MIPOL1: variants seen among roughly 807,000 people sequenced by gnomAD.
MIPOL1 encodes mirror-image polydactyly 1, also known as mirror-image polydactyly gene 1 protein.
Under a neutral mutation model 60.9 loss-of-function variants are expected in MIPOL1, and 57 were observed. The ratio of observed to expected loss-of-function variants is 0.94; its 90% confidence interval spans 0.76 to 1.17. The LOEUF is 1.17. MIPOL1 is among the 50% of genes most tolerant of loss of function. The pLI, the probability that MIPOL1 is intolerant of heterozygous loss-of-function variation, is 0.00. For missense variants in MIPOL1, 551 were observed against 511.6 expected (o/e 1.08, Z -0.74); for synonymous variants, 179 against 168.8 (o/e 1.06, Z -0.47).
At chr14:37,441,914 A>G (rs901790433) in intron 11 of MIPOL1, among the ~76,000 whole-genome samples, 1 of 151,946 alleles carries the variant, frequency 6.6e-6, no homozygotes, top group African/African-American at 2.4e-5. Flanking sequence ...ATGTTTTTCC[A>G]TTTGTTTCTG....
intron 12 of MIPOL1, among the ~76,000 whole-genome samples, chr14:37,535,715 A>G (rs934904184): frequency 1.3e-5 from 2 of 152,058 alleles, no homozygotes; most frequent in Non-Finnish European, 2.9e-5. Context: ...GCTGTGTAGA[A>G]CAAGTGTTTA....
chr14:37,205,672 A>G (rs374232976), intron 1 of MIPOL1, among the ~76,000 whole-genome samples: 2 of 152,162 alleles, frequency 1.3e-5, no homozygotes, highest in Admixed American at 6.5e-5. Context: ...CCTGTGTCCA[A>G]GTGATCTCAT....
At chr14:37,541,602 A>G (rs998097034) in intron 12 of MIPOL1, among the ~76,000 whole-genome samples, 19 of 152,146 alleles carry the variant, frequency 1.2e-4, no homozygotes, top group Non-Finnish European at 2.5e-4. Flanking sequence ...TTCTTGTCCT[A>G]TTAAACCCTC....
At chr14:37,372,028 A>G (rs2092653645) in intron 10 of MIPOL1, among the ~76,000 whole-genome samples, 2 of 152,134 alleles carry the variant, frequency 1.3e-5, no homozygotes, top group Admixed American at 1.3e-4. Context: ...CAACTCTTTA[A>G]AAACGATTCA....
chr14:37,324,624 G>T (rs1950523), intron 9 of MIPOL1, among the ~76,000 whole-genome samples: 152,151 of 152,228 alleles, frequency 1, 76,037 homozygotes, highest in Non-Finnish European at 1. Context: ...GAATCTTTCC[G>T]CATTTCAAGT....
intron 1 of MIPOL1, among the ~76,000 whole-genome samples, chr14:37,238,912 C>G (rs1306259452): frequency 6.6e-6 from 1 of 151,708 alleles, no homozygotes; most frequent in Admixed American, 6.6e-5. Flanking sequence ...AAGATCACAT[C>G]ACTGCTCTGC....
At chr14:37,210,939 A>G (rs1966798211) in intron 1 of MIPOL1, among the ~76,000 whole-genome samples, 1 of 152,186 alleles carries the variant, frequency 6.6e-6, no homozygotes, top group Non-Finnish European at 1.5e-5. Flanking sequence ...AGGTAGTATT[A>G]TCATCCCTGC....
At chr14:37,502,111 G>C (rs1243421530) in intron 12 of MIPOL1, 1 of 152,314 alleles carries the variant, frequency 6.6e-6, no homozygotes, top group South Asian at 2.1e-4. Flanking sequence ...ACTGGGTGGA[G>C]CCCACCGCAG....
chr14:37,315,987 G>A (rs987000954), intron 9 of MIPOL1, among the ~76,000 whole-genome samples: 1 of 151,498 alleles, frequency 6.6e-6, no homozygotes, highest in Non-Finnish European at 1.5e-5. Flanking sequence ...TGGTGTCAGG[G>A]AAGGCAAGAG....
chr14:37,509,220 C>CT (rs2095306155), intron 12 of MIPOL1, among the ~76,000 whole-genome samples: 1 of 152,042 alleles, frequency 6.6e-6, no homozygotes, highest in Admixed American at 6.6e-5. Context: ...ACTCTTTACT[C>CT]TTCACTCCTC....
chr14:37,356,625 G>A (rs1010743880), intron 9 of MIPOL1, among the ~76,000 whole-genome samples: 16 of 152,326 alleles, frequency 1.1e-4, no homozygotes, highest in Admixed American at 5.2e-4. Flanking sequence ...TGTTTTTTAA[G>A]CCTGTCAGAA....
Position 37,312,191 on chromosome 14 carries a change from T to C in MIPOL1, c.828+3672T>C, listed in dbSNP as rs368220560. On this transcript the variant is annotated intron_variant, in intron 9 of 12. Coordinates refer to ENST00000684589, the MANE Select transcript of MIPOL1 (RefSeq NM_001388067.1). Reference sequence around the variant, plus strand: ...GGCACTGTCTTGGCTCACTGCAACCTCTGCCTCCTGGGTTCAAGCGATTTT... The same window carrying C: ...GGCACTGTCTTGGCTCACTGCAACCCCTGCCTCCTGGGTTCAAGCGATTTT... 1.5e-3 allele frequency among the ~76,000 whole-genome samples: 231 copies of C among 152,286 alleles called. 1 individual carries two copies. The highest frequency in any genetic ancestry group is 5.4e-3 in the African/African-American group (225 of 41,552).
At chr14:37,258,617 T>A (rs1354843161) in intron 3 of MIPOL1, among the ~76,000 whole-genome samples, 2 of 152,126 alleles carry the variant, frequency 1.3e-5, no homozygotes, top group Non-Finnish European at 2.9e-5. Context: ...AACCCTAAAT[T>A]TGTGATTTAT....
At chr14:37,414,304 T>G (rs1036966778) in intron 10 of MIPOL1, among the ~76,000 whole-genome samples, 3 of 152,162 alleles carry the variant, frequency 2.0e-5, no homozygotes, top group African/African-American at 7.2e-5. Flanking sequence ...ACCCAAAATG[T>G]AAGAGATTTC....
intron 3 of MIPOL1, among the ~76,000 whole-genome samples, chr14:37,257,427 T>A (rs1975145713): frequency 6.6e-6 from 1 of 152,110 alleles, no homozygotes; most frequent in African/African-American, 2.4e-5. Flanking sequence ...TTGATGAATG[T>A]CTCATATAGT....
intron 9 of MIPOL1, among the ~76,000 whole-genome samples, chr14:37,367,381 A>G (rs768438042): frequency 1.6e-4 from 24 of 152,090 alleles, no homozygotes; most frequent in Admixed American, 6.6e-5. Context: ...TTTATTTTAC[A>G]AGAACACTTA....
chr14:37,544,926 AT>A (rs1393498755), intron 12 of MIPOL1, among the ~76,000 whole-genome samples: 2 of 152,218 alleles, frequency 1.3e-5, no homozygotes, highest in Non-Finnish European at 2.9e-5. Context: ...CAAAAGTAAG[AT>A]GAGCCTGTCT....
intron 6 of MIPOL1, chr14:37,277,336 TAGTC>T (rs989224579): frequency 6.6e-6 from 1 of 151,420 alleles, no homozygotes; most frequent in African/African-American, 2.4e-5. Context: ...TTAAGGCTGA[TAGTC>T]TGTTTAGTAA....
At chr14:37,388,602 G>A (rs759066999) in intron 10 of MIPOL1, among the ~76,000 whole-genome samples, 3 of 151,134 alleles carry the variant, frequency 2.0e-5, no homozygotes, top group Admixed American at 6.6e-5. Flanking sequence ...AAGATACAGA[G>A]CATTTCTATC....
Sources: gnomAD v4.1 joint callset for allele counts (sites outside exome capture counted in the v4.1 genomes callset) on GRCh38, gnomAD v4.1.1 for gene constraint, MANE v1.5 for transcripts, NCBI Gene and HGNC (gene_info 2026-07-23, HGNC 2026-07-21) for gene names.